Variants in LIN7A observed in about 807,000 individuals in gnomAD.
The protein encoded by LIN7A is protein lin-7 homolog A.
Under a neutral mutation model 29.8 loss-of-function variants are expected in LIN7A, and 25 were observed. That is an observed-to-expected ratio of 0.84 (90% CI 0.61 to 1.17). The LOEUF is 1.17. LIN7A is among the 50% of genes most tolerant of loss of function. The probability of loss-of-function intolerance (pLI) is 0.00; values close to 1 mark genes in which losing one functional copy is unlikely to be tolerated. For synonymous variants in LIN7A, 118 were observed against 107.5 expected (o/e 1.10, Z -0.60); for missense variants, 239 against 287.0 (o/e 0.83, Z 1.21).
At chr12:80,927,180 G>C (rs1235588347) in intron 1 of LIN7A, among the ~76,000 whole-genome samples, 1 of 4,132 alleles carries the variant, frequency 2.4e-4, no homozygotes. Context: ...TTTTTTTTTT[G>C]AGACGGAGTC....
intron 1 of LIN7A, among the ~76,000 whole-genome samples, chr12:80,894,024 C>T (rs1314495703): frequency 6.6e-6 from 1 of 152,168 alleles, no homozygotes; most frequent in Non-Finnish European, 1.5e-5. Context: ...GAGTTTTAAA[C>T]AGAATTCTGA....
intron 4 of LIN7A, among the ~76,000 whole-genome samples, chr12:80,829,433 C>T (rs754460502): frequency 2.6e-5 from 4 of 152,032 alleles, no homozygotes; most frequent in African/African-American, 4.8e-5. Flanking sequence ...GTTTATTTGT[C>T]GGGGCCAGCA....
chr12:80,812,550 T>C (rs1699811998), intron 4 of LIN7A, among the ~76,000 whole-genome samples: 1 of 152,020 alleles, frequency 6.6e-6, no homozygotes, highest in African/African-American at 2.4e-5. Flanking sequence ...CTGGTTTATT[T>C]GCCCTTTTTT....
chr12:80,880,756 CACACACACACACACACACAT>C (rs1049389342), intron 2 of LIN7A, among the ~76,000 whole-genome samples: 5 of 117,518 alleles, frequency 4.3e-5, no homozygotes, highest in African/African-American at 1.7e-4. Context: ...GCAACGCACA[CACACACACACACACACACAT>C]ACACACACAC....
At chr12:80,830,170 G>A (rs575258841) in intron 4 of LIN7A, among the ~76,000 whole-genome samples, 29 of 152,214 alleles carry the variant, frequency 1.9e-4, no homozygotes, top group African/African-American at 7.0e-4. Context: ...CCGTTCACCT[G>A]CTTGCTTAAA....
At chr12:80,800,424 G>T (rs968493995) in intron 5 of LIN7A, among the ~76,000 whole-genome samples, 2 of 143,604 alleles carry the variant, frequency 1.4e-5, no homozygotes, top group African/African-American at 2.6e-5. Context: ...GGGAGGTGGA[G>T]GTTGCAGTGA....
At chr12:80,816,054 AT>A (rs1197108899) in intron 4 of LIN7A, among the ~76,000 whole-genome samples, 2 of 152,302 alleles carry the variant, frequency 1.3e-5, no homozygotes, top group Admixed American at 1.3e-4. Flanking sequence ...GTACATTCCC[AT>A]CCTGAAAATG....
intron 4 of LIN7A, among the ~76,000 whole-genome samples, chr12:80,829,801 T>C (rs1284408075): frequency 1.3e-5 from 2 of 152,204 alleles, no homozygotes; most frequent in African/African-American, 2.4e-5. Flanking sequence ...ATTCTCTACA[T>C]AATAGATCAT....
chr12:80,890,405 C>T (rs1475360305), intron 1 of LIN7A, among the ~76,000 whole-genome samples: 1 of 152,100 alleles, frequency 6.6e-6, no homozygotes, highest in Admixed American at 6.6e-5. Context: ...TCCATTCACT[C>T]ATCCATCCAG....
Position 80,932,927 on chromosome 12 carries a change from C to T in LIN7A, c.82+4714G>A, listed in dbSNP as rs977134713. 2.0e-5 allele frequency among the ~76,000 whole-genome samples: 3 copies of T among 152,148 alleles called. No homozygotes were observed. The South Asian group carries it at 6.2e-4, about 32-fold the overall frequency. ...AAGATTAAAATCTGAGCAAACTAAC[C>T]TCTGATGTAGAGAAGAGTTGCTATG... is the stretch of plus-strand genomic sequence containing the variant. On this transcript the variant is annotated intron_variant, in intron 1 of 5. Coordinates refer to ENST00000552864, the MANE Select transcript of LIN7A (RefSeq NM_004664.4).
chr12:80,894,530 T>G (rs1216842908), intron 1 of LIN7A, among the ~76,000 whole-genome samples: 1 of 152,202 alleles, frequency 6.6e-6, no homozygotes, highest in Non-Finnish European at 1.5e-5. Flanking sequence ...TCTAGAATTT[T>G]CGATTTAATA....
At chr12:80,881,629 TTA>T (rs10557270) in intron 2 of LIN7A, among the ~76,000 whole-genome samples, 133,455 of 150,530 alleles carry the variant, frequency 0.89, 60,604 homozygotes, top group East Asian at 0.99. Flanking sequence ...TAAAGCTAAG[TTA>T]TATATATATA....
intron 2 of LIN7A, among the ~76,000 whole-genome samples, chr12:80,863,790 T>C (rs1398702772): frequency 1.3e-5 from 2 of 152,200 alleles, no homozygotes; most frequent in South Asian, 4.1e-4. Flanking sequence ...ATACCCCATC[T>C]GGTGGTATGG....
rs5799498 is a variant in LIN7A at position 80,912,713 on chromosome 12, C to CAA, written c.83-23346_83-23345dup. ...CTGGGTGACAGACTGAGACTTGTCT[C>CAA]AAAAAAAAAAAAAAAAGAAAAGAAA... is the stretch of plus-strand genomic sequence containing the variant. On this transcript the variant is annotated intron_variant, in intron 1 of 5. Transcript: ENST00000552864. 8.1e-3 allele frequency among the ~76,000 whole-genome samples: 1,096 copies of CAA among 135,318 alleles called. 25 individuals are homozygous for CAA. The highest frequency in any genetic ancestry group is 0.031 in the African/African-American group (1,031 of 32,762). The allele number at this position is 135,318 out of a possible 152,430, so 88.8% of individuals were successfully genotyped here.
chr12:80,877,140 T>G (rs1229938549), intron 2 of LIN7A, among the ~76,000 whole-genome samples: 3 of 79,916 alleles, frequency 3.8e-5, no homozygotes, highest in Non-Finnish European at 7.3e-5. Flanking sequence ...AAAAAAAAAG[T>G]TAAATATTCT....
intron 1 of LIN7A, among the ~76,000 whole-genome samples, chr12:80,900,672 G>A (rs1332436243): frequency 6.6e-6 from 1 of 152,124 alleles, no homozygotes; most frequent in Non-Finnish European, 1.5e-5. Flanking sequence ...TTCTTTTATG[G>A]CAGATTGTGT....
intron 2 of LIN7A, among the ~76,000 whole-genome samples, chr12:80,879,897 G>T (rs1302434011): frequency 1.3e-5 from 2 of 152,142 alleles, no homozygotes; most frequent in African/African-American, 4.8e-5. Context: ...GTGAATTCAG[G>T]TTCTATGAAA....
intron 4 of LIN7A, among the ~76,000 whole-genome samples, chr12:80,831,805 T>C (rs1872363264): frequency 6.6e-6 from 1 of 152,222 alleles, no homozygotes; most frequent in Non-Finnish European, 1.5e-5. Context: ...TGCTATAACA[T>C]GGGCAATGAT....
intron 2 of LIN7A, among the ~76,000 whole-genome samples, chr12:80,860,392 A>G (rs559369394): frequency 2.6e-5 from 4 of 152,340 alleles, no homozygotes; most frequent in African/African-American, 4.8e-5. Context: ...AATGTTGCCA[A>G]ACTCATAGTC....
Sources: allele counts gnomAD v4.1 joint callset (sites outside exome capture counted in the v4.1 genomes callset), GRCh38; gene constraint gnomAD v4.1.1; transcripts MANE v1.5; gene names NCBI Gene and HGNC (gene_info 2026-07-23, HGNC 2026-07-21).